The following DAAM2 variants were observed in gnomAD, a reference collection of about 807,000 sequenced individuals.
DAAM2 encodes the protein disheveled-associated activator of morphogenesis 2.
Under a neutral mutation model 120.7 loss-of-function variants are expected in DAAM2, and 39 were observed. The ratio of observed to expected loss-of-function variants is 0.32; its 90% CI spans 0.25 to 0.42. The LOEUF (loss-of-function observed/expected upper bound fraction) is 0.42, where lower values mean the gene tolerates loss of function less well. Among genes scored for constraint, DAAM2 ranks in the 10% least tolerant of loss-of-function variants. The probability of loss-of-function intolerance (pLI) is 1.00; values close to 1 mark genes in which losing one functional copy is unlikely to be tolerated. For synonymous variants in DAAM2, 488 were observed against 524.9 expected, an observed-to-expected ratio of 0.93 and a Z score of 0.96; for missense variants, 1,283 against 1,401.7, an observed-to-expected ratio of 0.92 and a Z score of 1.35.
chr6:39,901,778 T>G lies in DAAM2; in HGVS notation c.2983-35T>G, dbSNP rs1360135969. On this transcript the variant is annotated intron_variant, in intron 24 of 24. Transcript: ENST00000274867. The surrounding 1 kb of genome is among the most constrained non-coding windows in gnomAD (Gnocchi z 4.5). Reference sequence around the variant, plus strand: ...CTGCCCTGGCCTCAGCGCCTCTCCCTGAGAGGGTTCCTATCTTTGGCCCCC... The same window carrying G: ...CTGCCCTGGCCTCAGCGCCTCTCCCGGAGAGGGTTCCTATCTTTGGCCCCC... The G allele has an allele frequency of 4.7e-6, 7 of 1,491,918 alleles. No homozygotes were observed. Among genetic ancestry groups the G allele is most frequent in the Non-Finnish European group, 6.2e-6 (7 of 1,123,378 alleles). The allele number at this position is 1,491,918 out of a possible 1,614,324, so 92.4% of individuals were successfully genotyped here.
At chr6:39,864,655 C>A in intron 4 of DAAM2, 148 bp downstream of exon 4, 2 of 680,282 alleles carry the variant, frequency 2.9e-6, no homozygotes, top group Non-Finnish European at 4.9e-6. Flanking sequence ...CAGCAGCTTT[C>A]CAGTTATTCA....
intron 15 of DAAM2, chr6:39,886,468 T>C (rs1463171151): frequency 2.5e-6 from 1 of 399,372 alleles, no homozygotes; most frequent in Non-Finnish European, 4.4e-6. Flanking sequence ...CTCGGGGCTC[T>C]GACCACTCCA....
At chr6:39,798,011 A>C (rs1317187855) in intron 1 of DAAM2, among the ~76,000 whole-genome samples, 2 of 152,236 alleles carry the variant, frequency 1.3e-5, no homozygotes, top group Non-Finnish European at 2.9e-5. Context: ...TTCGTGCTGC[A>C]ATGGCAGAGT....
At chr6:39,892,472 C>T (rs1382799517) in intron 19 of DAAM2, among the ~76,000 whole-genome samples, 1 of 152,170 alleles carries the variant, frequency 6.6e-6, no homozygotes, top group Non-Finnish European at 1.5e-5. Flanking sequence ...CCTCTTGTCC[C>T]CTAGTACTCC....
chr6:39,895,393 G>T (rs543906471), intron 19 of DAAM2, among the ~76,000 whole-genome samples: 1 of 151,746 alleles, frequency 6.6e-6, no homozygotes, highest in Non-Finnish European at 1.5e-5. Flanking sequence ...GCACCACCAC[G>T]CCTGGCTAAT....
At chr6:39,860,857 C>A in intron 2 of DAAM2, 71 bp from the exon 3 acceptor site, 2 of 1,238,208 alleles carry the variant, frequency 1.6e-6, no homozygotes, top group Non-Finnish European at 2.3e-6. Flanking sequence ...ATTGTAATTT[C>A]CTGCAGGGCT....
chr6:39,899,117 TTACCTAAGACTA>T (rs1766313887), intron 22 of DAAM2, 180 bp downstream of exon 22: 2 of 608,852 alleles, frequency 3.3e-6, no homozygotes, highest in Non-Finnish European at 5.9e-6. Context: ...TTAAAAGGGG[TTACCTAAGACTA>T]TACCCATGTT....
rs932016950 is a variant in DAAM2 at position 39,871,669 on chromosome 6, G to T, written c.1044+97G>T. ...TAGACCCCGTGTTGTGGCAGGGCTG[G>T]TGTGGGCTGGTTCCCTGGTGGGCAC... On this transcript the variant is annotated intron_variant, in intron 9 of 24. Transcript: ENST00000274867. 7.0e-6 allele frequency: 8 copies of T among 1,145,122 alleles called. No individual in the cohort carries two copies. The Admixed American group carries it at 1.3e-4, about 19-fold the overall frequency. 70.9% of individuals were successfully genotyped at this position (1,145,122 alleles called of 1,614,324 possible).
intron 1 of DAAM2, among the ~76,000 whole-genome samples, chr6:39,794,497 C>T (rs1459737794): frequency 1.3e-5 from 2 of 152,200 alleles, no homozygotes; most frequent in Non-Finnish European, 2.9e-5. Context: ...AGAGAACATT[C>T]TCCTGGGCAT....
chr6:39,878,216 AAT>A lies in DAAM2; in HGVS notation c.1316_1317del (p.Asn439ArgfsTer74). The part of the protein sequence containing the change: ...KNIVNMLINE[N>X]EVKQWRDQAE... ...ATGCCCTGCCAGGCTCATCAACGAG[AAT>A]GAAGTGAAACAGTGGCGAGACCAGG... On this transcript the variant is annotated frameshift_variant, in exon 12 of 25. Coordinates refer to ENST00000274867, the MANE Select transcript of DAAM2 (RefSeq NM_001201427.2). LOFTEE classifies it high-confidence loss of function. This position sits in a 1 kb window ranked among gnomAD's most constrained non-coding sequence, Gnocchi z 5.0. 6.2e-7 allele frequency: 1 copy of A among 1,613,970 alleles called. No individual in the cohort carries two copies. The highest frequency in any genetic ancestry group is 8.5e-7 in the Non-Finnish European group (1 of 1,179,872).
rs573499252 is a variant in DAAM2 at position 39,834,736 on chromosome 6, A to G, written c.-56-21511A>G. Reference sequence around the variant, plus strand: ...ATAAGAGGAAGGAGAAAATCCAGCCATAATCACACCACATGCATTTGGATT... The same window carrying G: ...ATAAGAGGAAGGAGAAAATCCAGCCGTAATCACACCACATGCATTTGGATT... On this transcript the variant is annotated intron_variant, in intron 1 of 24. Transcript: ENST00000274867. Among the ~76,000 whole-genome samples the G allele has an allele frequency of 2.0e-5, 3 of 152,344 alleles. No individual in the cohort carries two copies. The East Asian group carries it at 5.8e-4, about 29-fold the overall frequency.
chr6:39,792,548 C>T (rs1761578500), intron 1 of DAAM2, 83 bp downstream of exon 1: 1 of 152,268 alleles, frequency 6.6e-6, no homozygotes, highest in East Asian at 2.0e-4. Flanking sequence ...ACACTTCTCT[C>T]CCTCTGCTTT....
At position 39,803,216 on chromosome 6, in the gene DAAM2, G is replaced by T. The variant is rs902408448; in HGVS notation, c.-57+10751G>T. On this transcript the variant is annotated intron_variant, in intron 1 of 24. Coordinates refer to ENST00000274867, the MANE Select transcript of DAAM2 (RefSeq NM_001201427.2). Reference sequence around the variant, plus strand: ...TATATTCCTGGGAGTAGAATTGCTAGAGCCTTCAGCATGCATATGTTCAGC... The same window carrying T: ...TATATTCCTGGGAGTAGAATTGCTATAGCCTTCAGCATGCATATGTTCAGC... Among the ~76,000 whole-genome samples the T allele has an allele frequency of 6.6e-5, 10 of 152,194 alleles. No homozygotes were observed. In the East Asian group the frequency reaches 1.9e-3, roughly 29 times the overall value.
chr6:39,870,850 G>A (rs989269103), intron 8 of DAAM2, among the ~76,000 whole-genome samples: 1 of 152,172 alleles, frequency 6.6e-6, no homozygotes, highest in Non-Finnish European at 1.5e-5. Context: ...TTGCTATAAC[G>A]CCCTTGTTGA....
At chr6:39,868,481 G>A (rs1256845758) in intron 6 of DAAM2, 1 of 292,128 alleles carries the variant, frequency 3.4e-6, no homozygotes, top group Non-Finnish European at 6.5e-6. Flanking sequence ...TAAAAGCAGT[G>A]TCCATACCAT....
rs2149283551 is a variant in DAAM2 at position 39,856,410 on chromosome 6, G to A, written c.108G>A (p.Met36Ile). The A allele has an allele frequency of 1.3e-6, 2 of 1,549,734 alleles. No individual in the cohort carries two copies. Among genetic ancestry groups the A allele is most frequent in the East Asian group, 5.0e-5 (2 of 39,802 alleles). ...GGGACAACCACCCTCTGCAGTTCAT[G>A]GAGTTCTCCAGCCCCATCCCGAACG... The part of the protein sequence containing the change: ...NLRDNHPLQF[M>I]EFSSPIPNAE... The change falls in exon 2 of 25, where the codon ATG (methionine) becomes ATA (isoleucine). Residue 36 changes from methionine (M) to isoleucine (I), a missense_variant. By Grantham distance (10) the Met-to-Ile change is conservative. Coordinates refer to ENST00000274867, the MANE Select transcript of DAAM2 (RefSeq NM_001201427.2).
At chr6:39,841,667 G>A (rs2149253894) in intron 1 of DAAM2, among the ~76,000 whole-genome samples, 1 of 152,174 alleles carries the variant, frequency 6.6e-6, no homozygotes, top group Admixed American at 6.5e-5. Context: ...TCAACACTGG[G>A]CACTGAGGAG....
At position 39,808,475 on chromosome 6, in the gene DAAM2, C is replaced by T. The variant is rs1157155202; in HGVS notation, c.-57+16010C>T. 2.0e-5 allele frequency among the ~76,000 whole-genome samples: 3 copies of T among 152,234 alleles called. No individual in the cohort carries two copies. The East Asian group carries it at 5.8e-4, about 29-fold the overall frequency. On this transcript the variant is annotated intron_variant, in intron 1 of 24. Coordinates refer to ENST00000274867, the MANE Select transcript of DAAM2 (RefSeq NM_001201427.2). ...TTCCCTTCTGATTTTCATTCATATA[C>T]AGCCATTGCTCTGTTCCTTTTGCGA...
chr6:39,861,407 C>A (rs1449555022), intron 3 of DAAM2: 2 of 353,292 alleles, frequency 5.7e-6, no homozygotes, highest in Non-Finnish European at 1.1e-5. Flanking sequence ...TCTTTTGGAT[C>A]TTTAGTCTCC....
Sources: gnomAD v4.1 joint callset for allele counts (sites outside exome capture counted in the v4.1 genomes callset) on GRCh38, gnomAD v4.1.1 for gene constraint, Gnocchi (gnomAD v3.1) non-coding constraint, MANE v1.5 for transcripts, NCBI Gene and HGNC (gene_info 2026-07-23, HGNC 2026-07-21) for gene names.